CSMD1: variants seen among roughly 807,000 people sequenced by gnomAD.
CSMD1 encodes the protein CUB and sushi domain-containing protein 1.
CSMD1 carries 213 observed loss-of-function variants against 417.5 expected under a neutral mutation model. The ratio of observed to expected loss-of-function variants is 0.51; its 90% CI spans 0.46 to 0.57. The LOEUF (loss-of-function observed/expected upper bound fraction) is 0.57, where lower values mean the gene tolerates loss of function less well. Ranked by LOEUF, CSMD1 falls within the 20% of genes least tolerant of loss-of-function variation. The pLI, the probability that CSMD1 is intolerant of heterozygous loss-of-function variation, is 0.00. For synonymous variants in CSMD1, 2,862 were observed against 1,736.8 expected (o/e 1.65, Z -16.11); for missense variants, 6,923 against 4,529.7 (o/e 1.53, Z -15.17).
intron 1 of CSMD1, among the ~76,000 whole-genome samples, chr8:4,733,379 G>C (rs557967427): frequency 9.2e-5 from 14 of 152,202 alleles, no homozygotes; most frequent in Non-Finnish European, 2.1e-4. Flanking sequence ...GCAGGTTATA[G>C]TGACTCATGC....
rs1800322380 is a variant in CSMD1 at position 4,211,686 on chromosome 8, T to C, written c.416-179587A>G. Among the ~76,000 whole-genome samples the C allele has an allele frequency of 2.6e-5, 4 of 152,302 alleles. No individual in the cohort carries two copies. The Middle Eastern group carries it at 0.014, about 518-fold the overall frequency. The stretch of plus-strand genomic sequence containing the variant: ...AGTATCCTTAGCTGAAATGCAGACT[T>C]TAGGCAAGTTGAACATGAAGCAACC... On this transcript the variant is annotated intron_variant, in intron 3 of 69. Coordinates refer to ENST00000635120, the MANE Select transcript of CSMD1 (RefSeq NM_033225.6).
At chr8:4,950,327 C>A (rs142516676) in intron 1 of CSMD1, among the ~76,000 whole-genome samples, 307 of 152,202 alleles carry the variant, frequency 2.0e-3, no homozygotes, top group African/African-American at 6.9e-3. Context: ...GTGACATTTG[C>A]AGTTGTCTTT....
intron 20 of CSMD1, among the ~76,000 whole-genome samples, chr8:3,361,963 G>A (rs919395505): frequency 1.3e-5 from 2 of 152,062 alleles, no homozygotes; most frequent in Non-Finnish European, 2.9e-5. Flanking sequence ...AAGTATATTT[G>A]CAAGGTGTGC....
At chr8:3,940,876 G>A (rs1306422378) in intron 5 of CSMD1, among the ~76,000 whole-genome samples, 2 of 71,110 alleles carry the variant, frequency 2.8e-5, no homozygotes, top group Admixed American at 3.4e-4. Flanking sequence ...TCTTCCTTAT[G>A]CCATCTCCCT....
At chr8:4,452,223 G>C (rs969697541) in intron 2 of CSMD1, among the ~76,000 whole-genome samples, 4 of 152,120 alleles carry the variant, frequency 2.6e-5, no homozygotes, top group African/African-American at 7.2e-5. Context: ...GACTGCCTGA[G>C]ACTGATTCCA....
intron 6 of CSMD1, among the ~76,000 whole-genome samples, chr8:3,739,713 T>A (rs1795450916): frequency 6.6e-6 from 1 of 152,224 alleles, no homozygotes; most frequent in African/African-American, 2.4e-5. Context: ...ATGGGTATTA[T>A]AAGTTTTAAA....
At position 4,768,726 on chromosome 8, in the gene CSMD1, C is replaced by A. The variant is rs1796450225; in HGVS notation, c.86-131168G>T. On this transcript the variant is annotated intron_variant, in intron 1 of 69. Transcript: ENST00000635120. ...CGAGGCACTGGAGCACCAAACTCCCCAGGAGTGTCCCTCTCCTTAGTGATG... is the reference window on the plus strand; with the variant it reads ...CGAGGCACTGGAGCACCAAACTCCCAAGGAGTGTCCCTCTCCTTAGTGATG... Among the ~76,000 whole-genome samples, 4 of 152,286 alleles carry A rather than the reference C, an allele frequency of 2.6e-5. No homozygotes were observed. The South Asian group carries it at 6.2e-4, about 24-fold the overall frequency.
intron 16 of CSMD1, 108 bp from the exon 17 acceptor site, chr8:3,396,489 A>G: frequency 1.4e-6 from 1 of 735,002 alleles, no homozygotes; most frequent in East Asian, 2.8e-5. Context: ...GTTAACATGA[A>G]GAAAATAGTT....
At chr8:3,546,630 T>C (rs1337519715) in intron 10 of CSMD1, among the ~76,000 whole-genome samples, 3 of 150,912 alleles carry the variant, frequency 2.0e-5, no homozygotes, top group Non-Finnish European at 4.4e-5. Context: ...TGCAAAATGA[T>C]TAACATTATA....
At chr8:4,238,466 C>T (rs1345660536) in intron 3 of CSMD1, among the ~76,000 whole-genome samples, 2 of 152,170 alleles carry the variant, frequency 1.3e-5, no homozygotes, top group Non-Finnish European at 2.9e-5. Context: ...GATGGGAGCA[C>T]ACTGCCTTAG....
At chr8:3,220,360 T>G (rs1296321372) in intron 28 of CSMD1, among the ~76,000 whole-genome samples, 1 of 151,950 alleles carries the variant, frequency 6.6e-6, no homozygotes, top group Non-Finnish European at 1.5e-5. Flanking sequence ...CCCCAAAGAG[T>G]GTAACAATTT....
Position 3,535,179 on chromosome 8 carries a change from C to A in CSMD1, c.1344+39766G>T, listed in dbSNP as rs574759449. 3.9e-5 allele frequency among the ~76,000 whole-genome samples: 6 copies of A among 151,980 alleles called. No individual in the cohort carries two copies. The South Asian group carries it at 1.2e-3, about 32-fold the overall frequency. Reference sequence around the variant, plus strand: ...ATGGTGCCCATGCTGGTCTCAAACTCCTGGCCTGAAATGATCCTTCTGTTT... The same window carrying A: ...ATGGTGCCCATGCTGGTCTCAAACTACTGGCCTGAAATGATCCTTCTGTTT... On this transcript the variant is annotated intron_variant, in intron 10 of 69. Coordinates refer to ENST00000635120, the MANE Select transcript of CSMD1 (RefSeq NM_033225.6).
chr8:3,379,428 C>A (rs1011604859), intron 18 of CSMD1, among the ~76,000 whole-genome samples: 1 of 152,082 alleles, frequency 6.6e-6, no homozygotes, highest in Non-Finnish European at 1.5e-5. Context: ...AAAAAAGAGC[C>A]CATATAGCCA....
At chr8:3,689,741 G>A (rs1171447825) in intron 7 of CSMD1, among the ~76,000 whole-genome samples, 3 of 152,064 alleles carry the variant, frequency 2.0e-5, no homozygotes, top group Non-Finnish European at 2.9e-5. Flanking sequence ...ATGAAAACAT[G>A]ATCACTAAAT....
intron 40 of CSMD1, among the ~76,000 whole-genome samples, chr8:3,145,950 T>C (rs1239145892): frequency 1.3e-5 from 2 of 152,240 alleles, no homozygotes; most frequent in Non-Finnish European, 2.9e-5. Flanking sequence ...TGAATAGTAA[T>C]GTGACCATGA....
intron 3 of CSMD1, among the ~76,000 whole-genome samples, chr8:4,119,504 G>C (rs1181203108): frequency 1.3e-5 from 2 of 152,136 alleles, no homozygotes; most frequent in East Asian, 1.9e-4. Context: ...TCAATGTCCT[G>C]GTATTTGTAG....
intron 3 of CSMD1, among the ~76,000 whole-genome samples, chr8:4,332,411 C>A (rs530007965): frequency 6.6e-6 from 1 of 152,022 alleles, no homozygotes; most frequent in Non-Finnish European, 1.5e-5. Flanking sequence ...AGTATAAATT[C>A]TTTCTAGGCA....
At chr8:4,382,398 T>A (rs12550399) in intron 3 of CSMD1, among the ~76,000 whole-genome samples, 1 of 152,192 alleles carries the variant, frequency 6.6e-6, no homozygotes, top group African/African-American at 2.4e-5. Context: ...GAGCGCATGG[T>A]CAATGAATGA....
chr8:4,725,528 G>A (rs1241775164), intron 1 of CSMD1, among the ~76,000 whole-genome samples: 1 of 152,078 alleles, frequency 6.6e-6, no homozygotes, highest in African/African-American at 2.4e-5. Context: ...TTTCCATTTT[G>A]CGAACTCCAT....
Sources: gnomAD v4.1 joint callset for allele counts (sites outside exome capture counted in the v4.1 genomes callset) on GRCh38, gnomAD v4.1.1 for gene constraint, MANE v1.5 for transcripts, NCBI Gene and HGNC (gene_info 2026-07-23, HGNC 2026-07-21) for gene names.